Variants in PTPRJ observed in about 807,000 individuals in gnomAD.
PTPRJ encodes the protein protein tyrosine phosphatase receptor type J.
In PTPRJ, 129 loss-of-function variants were observed where a neutral mutation model predicts 141.3. The ratio of observed to expected loss-of-function variants is 0.91; its 90% CI spans 0.79 to 1.06. PTPRJ has a LOEUF of 1.06. Among genes scored for constraint, PTPRJ ranks in the 50% least tolerant of loss-of-function variants. The pLI, the probability that PTPRJ is intolerant of heterozygous loss-of-function variation, is 0.00. For missense variants in PTPRJ, 1,601 were observed against 1,679.7 expected (o/e 0.95, Z 0.82); for synonymous variants, 610 against 640.5 (o/e 0.95, Z 0.72).
At chr11:48,109,595 G>A (rs968907844) in intron 1 of PTPRJ, among the ~76,000 whole-genome samples, 4 of 152,208 alleles carry the variant, frequency 2.6e-5, no homozygotes, top group African/African-American at 9.6e-5. Flanking sequence ...GGTTTCCACT[G>A]TGCTGTCAGG....
intron 19 of PTPRJ, among the ~76,000 whole-genome samples, chr11:48,154,623 T>C (rs1047757201): frequency 6.6e-6 from 1 of 152,246 alleles, no homozygotes; most frequent in Non-Finnish European, 1.5e-5. Flanking sequence ...ACTTTGCAGA[T>C]AATTTTTACA....
intron 3 of PTPRJ, among the ~76,000 whole-genome samples, 160 bp downstream of exon 3, chr11:48,113,143 G>A (rs1856481939): frequency 6.6e-6 from 1 of 152,010 alleles, no homozygotes; most frequent in Non-Finnish European, 1.5e-5. Flanking sequence ...ATAAAACATA[G>A]ACAAGAAAAG....
chr11:48,049,349 T>C (rs1854491496), intron 1 of PTPRJ, among the ~76,000 whole-genome samples: 1 of 151,518 alleles, frequency 6.6e-6, no homozygotes, highest in Non-Finnish European at 1.5e-5. Context: ...TAAGCCAGGA[T>C]GTACGTGGAG....
intron 1 of PTPRJ, among the ~76,000 whole-genome samples, chr11:48,045,984 G>GTGACT (rs1221541115): frequency 6.6e-6 from 1 of 152,136 alleles, no homozygotes; most frequent in East Asian, 1.9e-4. Flanking sequence ...CTTATAAGGG[G>GTGACT]TGACTTGCTA....
Position 48,160,069 on chromosome 11 carries a change from C to G in PTPRJ, c.3558+20C>G. The G allele has an allele frequency of 6.2e-7, 1 of 1,611,760 alleles. No homozygotes were observed. Among genetic ancestry groups the G allele is most frequent in the Non-Finnish European group, 8.5e-7 (1 of 1,178,142 alleles). ...AAAAATGTAAGTAAGAAGTCAGGAT[C>G]AGTTGAGCTCATGTAATTACCATAT... On this transcript the variant is annotated intron_variant, in intron 22 of 24. Transcript: ENST00000418331.
chr11:48,001,348 A>T (rs1854492190), intron 1 of PTPRJ, among the ~76,000 whole-genome samples: 1 of 112,840 alleles, frequency 8.9e-6, no homozygotes, highest in South Asian at 2.9e-4. Flanking sequence ...GACAGCCCCA[A>T]AGTGTGTGTG....
At chr11:48,089,529 AAAAC>A (rs1855809528) in intron 1 of PTPRJ, among the ~76,000 whole-genome samples, 4 of 151,656 alleles carry the variant, frequency 2.6e-5, no homozygotes, top group Non-Finnish European at 4.4e-5. Flanking sequence ...AAAAAAAAAA[AAAAC>A]AAAAAAAACC....
chr11:48,086,410 G>A (rs1042342524), intron 1 of PTPRJ, among the ~76,000 whole-genome samples: 1 of 152,228 alleles, frequency 6.6e-6, no homozygotes, highest in African/African-American at 2.4e-5. Flanking sequence ...GGCCTCAGGT[G>A]ATCCACTCGC....
In PTPRJ at chr11:48,127,960, G is replaced by A. The variant is rs151256577; in HGVS notation, c.1274G>A (p.Arg425His). 1.4e-3 allele frequency: 2,276 copies of A among 1,614,106 alleles called. 3 individuals carry two copies. The highest frequency in any genetic ancestry group is 1.7e-3 in the Non-Finnish European group (2,007 of 1,180,004). The change falls in exon 7 of 25, where the codon CGC (arginine) becomes CAC (histidine). Residue 425 changes from arginine (R) to histidine (H), a missense_variant. Physicochemically the swap from Arg to His is conservative, Grantham distance 29. Transcript: ENST00000418331. ...SEPRAVIPGL[R>H]SSTFYNITVC... Reference sequence around the variant, plus strand: ...CCTCGCGCTGTCATCCCCGGACTCCGCTCCAGCACCTTCTACAACATCACA... The same window carrying A: ...CCTCGCGCTGTCATCCCCGGACTCCACTCCAGCACCTTCTACAACATCACA...
chr11:48,089,374 G>C (rs1855801199), intron 1 of PTPRJ, among the ~76,000 whole-genome samples: 1 of 152,068 alleles, frequency 6.6e-6, no homozygotes. Context: ...AAACTATCCA[G>C]GCATAATGGT....
intron 1 of PTPRJ, among the ~76,000 whole-genome samples, chr11:47,996,991 C>G (rs1023638557): frequency 2.6e-5 from 4 of 152,216 alleles, no homozygotes; most frequent in Non-Finnish European, 4.4e-5. Context: ...TTCCCTGGAA[C>G]CTGGCTTAGG....
intron 1 of PTPRJ, among the ~76,000 whole-genome samples, chr11:48,054,585 A>T (rs1854704299): frequency 6.7e-6 from 1 of 149,322 alleles, no homozygotes; most frequent in South Asian, 2.1e-4. Flanking sequence ...GTCTCATTTC[A>T]TTTCACCGCT....
At chr11:48,053,721 T>C (rs1307490881) in intron 1 of PTPRJ, among the ~76,000 whole-genome samples, 1 of 149,346 alleles carries the variant, frequency 6.7e-6, no homozygotes, top group Non-Finnish European at 1.5e-5. Flanking sequence ...GGATTACAGG[T>C]GTGTGCCACC....
chr11:48,000,335 G>A (rs923848889), intron 1 of PTPRJ, among the ~76,000 whole-genome samples: 1 of 150,860 alleles, frequency 6.6e-6, no homozygotes, highest in African/African-American at 2.4e-5. Flanking sequence ...TGTAGAGATG[G>A]GGGTCTCACT....
chr11:48,033,897 G>A (rs961843374), intron 1 of PTPRJ, among the ~76,000 whole-genome samples: 2 of 152,222 alleles, frequency 1.3e-5, no homozygotes, highest in Admixed American at 6.5e-5. Flanking sequence ...GATACAGAGC[G>A]TTTGACCTAT....
chr11:48,123,812 G>GT lies in PTPRJ; in HGVS notation c.817dup (p.Tyr273LeufsTer7). On this transcript the variant is annotated frameshift_variant, in exon 5 of 25. Transcript: ENST00000418331. LOFTEE classifies it high-confidence loss of function. ...CAGGGGTTCAATACAACATCAACCC[G>GT]TATCTTCTACAATCAAATAAGACAA... The GT allele has an allele frequency of 6.2e-7, 1 of 1,614,028 alleles. No homozygotes were observed. The highest frequency in any genetic ancestry group is 8.5e-7 in the Non-Finnish European group (1 of 1,179,950).
chr11:48,095,097 C>T (rs947655288), intron 1 of PTPRJ, among the ~76,000 whole-genome samples: 5 of 152,106 alleles, frequency 3.3e-5, no homozygotes, highest in South Asian at 2.1e-4. Flanking sequence ...ATCACAGGAC[C>T]GTTTCTGATT....
chr11:47,999,860 C>CTTTTTTTT (rs1259078567), intron 1 of PTPRJ, among the ~76,000 whole-genome samples: 1 of 96,406 alleles, frequency 1.0e-5, no homozygotes, highest in African/African-American at 1.1e-4. Flanking sequence ...TGCCGAGATT[C>CTTTTTTTT]TTCTTTTTTT....
chr11:47,982,504 A>G (rs1853936996), intron 1 of PTPRJ, among the ~76,000 whole-genome samples: 1 of 152,188 alleles, frequency 6.6e-6, no homozygotes, highest in Non-Finnish European at 1.5e-5. Flanking sequence ...CCATGTAAGG[A>G]AATTCAGGGA....
Sources: gnomAD v4.1 joint callset for allele counts (sites outside exome capture counted in the v4.1 genomes callset) on GRCh38, gnomAD v4.1.1 for gene constraint, MANE v1.5 for transcripts, NCBI Gene and HGNC (gene_info 2026-07-23, HGNC 2026-07-21) for gene names.